The following RAB11FIP2 variants were observed in gnomAD, a reference collection of about 807,000 sequenced individuals.
The protein encoded by RAB11FIP2 is rab11 family-interacting protein 2.
In RAB11FIP2, 16 loss-of-function variants were observed where a neutral mutation model predicts 40.9. The observed-to-expected ratio is 0.39, with a 90% CI of 0.26 to 0.59. The LOEUF is 0.59. Among genes scored for constraint, RAB11FIP2 ranks in the 20% least tolerant of loss-of-function variants. The probability of loss-of-function intolerance (pLI) is 0.53; values close to 1 mark genes in which losing one functional copy is unlikely to be tolerated. For missense variants in RAB11FIP2, 532 were observed against 606.2 expected, an observed-to-expected ratio of 0.88 and a Z score of 1.28; for synonymous variants, 228 against 213.7, an observed-to-expected ratio of 1.07 and a Z score of -0.58.
chr10:118,041,879 AAT>A (rs1282016109), intron 1 of RAB11FIP2, among the ~76,000 whole-genome samples: 1 of 152,144 alleles, frequency 6.6e-6, no homozygotes, highest in African/African-American at 2.4e-5. Flanking sequence ...TTAGAATATC[AAT>A]ATTTTAAAAT....
intron 3 of RAB11FIP2, among the ~76,000 whole-genome samples, chr10:118,023,218 T>C (rs562916431): frequency 2.6e-5 from 4 of 152,282 alleles, no homozygotes; most frequent in Non-Finnish European, 4.4e-5. Flanking sequence ...AGAGGTTACA[T>C]GTTGAAGTTT....
At chr10:118,012,125 A>T (rs1313279472) in intron 4 of RAB11FIP2, among the ~76,000 whole-genome samples, 4 of 152,010 alleles carry the variant, frequency 2.6e-5, no homozygotes, top group Admixed American at 2.6e-4. Flanking sequence ...GATATAAATT[A>T]ATAGTTTAAT....
chr10:118,021,179 A>T (rs1846280040), intron 3 of RAB11FIP2, among the ~76,000 whole-genome samples: 2 of 152,154 alleles, frequency 1.3e-5, no homozygotes, highest in African/African-American at 4.8e-5. Context: ...TCCATTTAGG[A>T]TTGCATTTTT....
At chr10:118,027,852 C>G (rs1486573294) in intron 3 of RAB11FIP2, among the ~76,000 whole-genome samples, 1 of 152,038 alleles carries the variant, frequency 6.6e-6, no homozygotes, top group Non-Finnish European at 1.5e-5. Flanking sequence ...TTTACTAAAA[C>G]AGAGTTGTCT....
intron 4 of RAB11FIP2, among the ~76,000 whole-genome samples, chr10:118,011,311 G>A (rs1846151725): frequency 6.6e-6 from 1 of 151,772 alleles, no homozygotes; most frequent in Non-Finnish European, 1.5e-5. Context: ...ACCATTAAAG[G>A]ACAATTCTAG....
chr10:118,013,464 A>T (rs919626118), intron 4 of RAB11FIP2, among the ~76,000 whole-genome samples: 13 of 152,112 alleles, frequency 8.5e-5, no homozygotes, highest in Non-Finnish European at 1.8e-4. Context: ...ATACAAACTT[A>T]ATTACAAAAT....
intron 3 of RAB11FIP2, among the ~76,000 whole-genome samples, chr10:118,032,431 T>C (rs1846425894): frequency 6.7e-6 from 1 of 149,100 alleles, no homozygotes; most frequent in South Asian, 2.1e-4. Flanking sequence ...GTGTTTAACC[T>C]ATTCAGCCAT....
intron 3 of RAB11FIP2, among the ~76,000 whole-genome samples, chr10:118,036,466 T>A (rs1846482589): frequency 6.6e-6 from 1 of 152,134 alleles, no homozygotes; most frequent in South Asian, 2.1e-4. Context: ...AAAATAGAAC[T>A]ATACTGTTAC....
chr10:118,037,292 AAACAG>A (rs954205498), intron 3 of RAB11FIP2, among the ~76,000 whole-genome samples: 4 of 152,132 alleles, frequency 2.6e-5, no homozygotes, highest in Admixed American at 6.5e-5. Context: ...TATGGTTTAT[AAACAG>A]AACAGAATAC....
intron 3 of RAB11FIP2, among the ~76,000 whole-genome samples, chr10:118,016,980 T>C (rs185803711): frequency 4.6e-5 from 7 of 152,348 alleles, no homozygotes; most frequent in African/African-American, 1.7e-4. Flanking sequence ...AACTTTTACA[T>C]AGCACTTAAT....
At chr10:118,045,313 T>C (rs139851859) in intron 1 of RAB11FIP2, 3 of 154,390 alleles carry the variant, frequency 1.9e-5, no homozygotes, top group Non-Finnish European at 4.3e-5. Context: ...CCCTGAAAAA[T>C]GGCTGAGCTA....
In RAB11FIP2 at chr10:118,046,418, G is replaced by T; in HGVS notation, c.-255C>A. 2.1e-6 allele frequency: 1 copy of T among 468,788 alleles called. No homozygotes were observed. Among genetic ancestry groups the T allele is most frequent in the Non-Finnish European group, 3.8e-6 (1 of 262,594 alleles). The allele number at this position is 468,788 out of a possible 1,614,324, so 29.0% of individuals were successfully genotyped here. A position where few individuals can be genotyped will look rare whatever the true frequency, so the allele number is the denominator to read the frequency against. ...ACCTGGCCGCGCCGTGCAGGCCTCTGCGCGGACCCCCGCCCCTGTCTCCAC... is the reference window on the plus strand; with the variant it reads ...ACCTGGCCGCGCCGTGCAGGCCTCTTCGCGGACCCCCGCCCCTGTCTCCAC... On this transcript the variant is annotated 5_prime_UTR_variant, in exon 1 of 5. Transcript: ENST00000355624.
chr10:118,014,745 T>C (rs138966673), intron 4 of RAB11FIP2, among the ~76,000 whole-genome samples: 2,313 of 152,262 alleles, frequency 0.015, 31 homozygotes, highest in Middle Eastern at 0.1. Context: ...TCTTATTTCA[T>C]AACCACAAAT....
At position 118,008,406 on chromosome 10, in the gene RAB11FIP2, C is replaced by G. The variant is rs887178864; in HGVS notation, c.*592G>C. 1 of 153,400 alleles carries G rather than the reference C, an allele frequency of 6.5e-6. No individual in the cohort carries two copies. Among genetic ancestry groups the G allele is most frequent in the Non-Finnish European group, 1.5e-5 (1 of 68,746 alleles). The allele number at this position is 153,400 out of a possible 1,614,324, so 9.5% of individuals were successfully genotyped here. On this transcript the variant is annotated 3_prime_UTR_variant, in exon 5 of 5. Transcript: ENST00000355624. ...CAATAGAGCACACACATTTTCAAATCAAGAAATTGGTAGCCTAACTTTAGA... is the reference window on the plus strand; with the variant it reads ...CAATAGAGCACACACATTTTCAAATGAAGAAATTGGTAGCCTAACTTTAGA...
Position 118,007,253 on chromosome 10 carries a change from G to GA in RAB11FIP2, c.*1744dup, listed in dbSNP as rs1564828464. On this transcript the variant is annotated 3_prime_UTR_variant, in exon 5 of 5. Coordinates refer to ENST00000355624, the MANE Select transcript of RAB11FIP2 (RefSeq NM_014904.3). ...GAGGTTTATTACAGAATCTTGAGGA[G>GA]AAAAAAATTGATAAAAGCTATTTTT... The GA allele has an allele frequency of 6.6e-6, 1 of 150,438 alleles. No homozygotes were observed. The allele number at this position is 150,438 out of a possible 1,614,324, so 9.3% of individuals were successfully genotyped here.
rs1293305593 is a variant in RAB11FIP2 at position 118,015,061 on chromosome 10, T to C, written c.1311+4A>G. 1 of 1,605,910 alleles carries C rather than the reference T, an allele frequency of 6.2e-7. No individual in the cohort carries two copies. Among genetic ancestry groups the C allele is most frequent in the South Asian group, 1.1e-5 (1 of 89,776 alleles). On this transcript the variant is annotated splice_donor_region_variant and intron_variant, in intron 4 of 4. Coordinates refer to ENST00000355624, the MANE Select transcript of RAB11FIP2 (RefSeq NM_014904.3). ...ACAACCCTCTAACCCCTTCAGCAAC[T>C]TACCGGGATTTTCCTGAGGTCTTCA...
At chr10:118,028,158 G>A (rs1846368293) in intron 3 of RAB11FIP2, among the ~76,000 whole-genome samples, 1 of 152,042 alleles carries the variant, frequency 6.6e-6, no homozygotes, top group African/African-American at 2.4e-5. Context: ...TTTCTTAATA[G>A]CAATTTGAAT....
chr10:118,043,599 T>A (rs1227528631), intron 1 of RAB11FIP2: 1 of 152,214 alleles, frequency 6.6e-6, no homozygotes, highest in Non-Finnish European at 1.5e-5. Context: ...ATTTTAGTTG[T>A]CATACTTCTT....
chr10:118,033,105 G>A (rs534705015), intron 3 of RAB11FIP2, among the ~76,000 whole-genome samples: 6 of 152,164 alleles, frequency 3.9e-5, no homozygotes, highest in Admixed American at 6.5e-5. Flanking sequence ...TATAGGGTTC[G>A]GAACTGTGCC....
Sources: allele counts gnomAD v4.1 joint callset (sites outside exome capture counted in the v4.1 genomes callset), GRCh38; gene constraint gnomAD v4.1.1; transcripts MANE v1.5; gene names NCBI Gene and HGNC (gene_info 2026-07-23, HGNC 2026-07-21).